The following FER variants were observed in gnomAD, a reference collection of about 807,000 sequenced individuals.
FER encodes the protein tyrosine-protein kinase Fer.
In FER, 63 loss-of-function variants were observed where a neutral mutation model predicts 111.0. That is an observed-to-expected ratio of 0.57 (90% CI 0.46 to 0.70). The LOEUF (loss-of-function observed/expected upper bound fraction) is 0.70. FER is among the 30% of genes least tolerant of loss of function. The pLI is 0.00. For synonymous variants in FER, 327 were observed against 313.9 expected, an observed-to-expected ratio of 1.04 and a Z score of -0.44; for missense variants, 914 against 954.0, an observed-to-expected ratio of 0.96 and a Z score of 0.55.
intron 13 of FER, among the ~76,000 whole-genome samples, chr5:109,012,707 G>C (rs139238575): frequency 7.2e-5 from 11 of 152,304 alleles, no homozygotes; most frequent in Non-Finnish European, 1.5e-4. Context: ...AGTGAATGTA[G>C]AGGTATGGCT....
intron 16 of FER, among the ~76,000 whole-genome samples, chr5:109,074,576 C>T (rs1776112854): frequency 6.6e-6 from 1 of 152,190 alleles, no homozygotes; most frequent in African/African-American, 2.4e-5. Flanking sequence ...TTCCACTCTG[C>T]AGTACTATTA....
chr5:109,129,103 G>A (rs1752067986), intron 17 of FER, among the ~76,000 whole-genome samples: 1 of 151,996 alleles, frequency 6.6e-6, no homozygotes, highest in African/African-American at 2.4e-5. Context: ...TTAAATTATT[G>A]TACATAAATG....
intron 10 of FER, among the ~76,000 whole-genome samples, chr5:108,944,626 T>C (rs964195992): frequency 2.6e-5 from 4 of 152,086 alleles, no homozygotes; most frequent in African/African-American, 9.7e-5. Flanking sequence ...TTAGGTAGAC[T>C]GTAATTTAAA....
chr5:108,894,916 G>A (rs563708746), intron 9 of FER, among the ~76,000 whole-genome samples: 17 of 152,254 alleles, frequency 1.1e-4, no homozygotes, highest in East Asian at 7.7e-4. Context: ...CTCATGATAC[G>A]TGGGAATTAG....
intron 5 of FER, among the ~76,000 whole-genome samples, chr5:108,862,978 A>G (rs1480858981): frequency 1.3e-5 from 2 of 152,254 alleles, no homozygotes; most frequent in East Asian, 1.9e-4. Flanking sequence ...ATTGGTTCCT[A>G]TATTGTCAGG....
At chr5:109,034,024 G>C (rs1316469816) in intron 13 of FER, among the ~76,000 whole-genome samples, 1 of 151,986 alleles carries the variant, frequency 6.6e-6, no homozygotes, top group African/African-American at 2.4e-5. Flanking sequence ...TAGCAATTTT[G>C]AAGTAGAAAT....
At chr5:108,852,675 G>A (rs1347709083) in intron 5 of FER, among the ~76,000 whole-genome samples, 1 of 152,104 alleles carries the variant, frequency 6.6e-6, no homozygotes, top group African/African-American at 2.4e-5. Flanking sequence ...CTGAAAATGA[G>A]AGGTTTCCAC....
In FER at chr5:108,938,024, TCTCACA is replaced by T. The variant is rs1204836882; in HGVS notation, c.1237-8104_1237-8099del. On this transcript the variant is annotated intron_variant, in intron 10 of 19. Coordinates refer to ENST00000281092, the MANE Select transcript of FER (RefSeq NM_005246.4). Reference sequence around the variant, plus strand: ...TCCCTCCTTTTTTTCCCTATCTCTCTCTCACACACACACACACACACACACACACAC... The same window carrying T: ...TCCCTCCTTTTTTTCCCTATCTCTCTCACACACACACACACACACACACAC... Among the ~76,000 whole-genome samples, 610 of 77,994 alleles carry T rather than the reference TCTCACA, an allele frequency of 7.8e-3. 4 individuals carry two copies. The highest frequency in any genetic ancestry group is 0.018 in the African/African-American group (396 of 21,524). 51.2% of individuals were successfully genotyped at this position (77,994 alleles called of 152,430 possible).
intron 11 of FER, among the ~76,000 whole-genome samples, chr5:108,951,541 TATTA>T (rs1370990892): frequency 6.6e-6 from 1 of 152,214 alleles, no homozygotes; most frequent in Admixed American, 6.5e-5. Context: ...TGGAATAACT[TATTA>T]ATTAGACTAT....
At chr5:109,078,769 T>G (rs969769344) in intron 16 of FER, among the ~76,000 whole-genome samples, 1 of 152,198 alleles carries the variant, frequency 6.6e-6, no homozygotes, top group African/African-American at 2.4e-5. Flanking sequence ...TTGAAAAATT[T>G]GCCAACAGAT....
chr5:108,929,269 A>AT (rs996206238), intron 10 of FER, among the ~76,000 whole-genome samples: 4 of 151,948 alleles, frequency 2.6e-5, no homozygotes, highest in Admixed American at 6.6e-5. Flanking sequence ...TTTGCCAATC[A>AT]TTTTTTTTAA....
chr5:109,091,782 T>C (rs1746795385), intron 16 of FER, among the ~76,000 whole-genome samples: 1 of 152,030 alleles, frequency 6.6e-6, no homozygotes, highest in South Asian at 2.1e-4. Context: ...TGAATCAACA[T>C]CCTCCCTGAC....
chr5:108,953,361 A>T (rs1411456234), intron 11 of FER, among the ~76,000 whole-genome samples: 1 of 151,994 alleles, frequency 6.6e-6, no homozygotes, highest in African/African-American at 2.4e-5. Flanking sequence ...CATAGTTTGC[A>T]TGAAAATTAA....
chr5:109,116,090 A>G (rs1750194414), intron 17 of FER, among the ~76,000 whole-genome samples: 1 of 152,088 alleles, frequency 6.6e-6, no homozygotes, highest in African/African-American at 2.4e-5. Flanking sequence ...CAGATTGGAT[A>G]CATGAACTCA....
chr5:108,902,819 G>T (rs1301018314), intron 10 of FER, among the ~76,000 whole-genome samples: 1 of 152,060 alleles, frequency 6.6e-6, no homozygotes, highest in Non-Finnish European at 1.5e-5. Flanking sequence ...GAGCAAATTA[G>T]GAGGGTGAAC....
intron 17 of FER, among the ~76,000 whole-genome samples, chr5:109,114,418 A>G (rs1749989952): frequency 6.6e-6 from 1 of 152,134 alleles, no homozygotes; most frequent in South Asian, 2.1e-4. Flanking sequence ...TTTCATTTTT[A>G]TATGCTAATA....
chr5:109,042,686 C>T (rs1288498939), intron 14 of FER, among the ~76,000 whole-genome samples: 3 of 152,044 alleles, frequency 2.0e-5, no homozygotes, highest in African/African-American at 7.2e-5. Flanking sequence ...ACAGGAAAAT[C>T]AATTTTGGGA....
chr5:108,825,550 A>T (rs1759376809), intron 3 of FER, among the ~76,000 whole-genome samples: 1 of 152,120 alleles, frequency 6.6e-6, no homozygotes, highest in African/African-American at 2.4e-5. Flanking sequence ...TCAAACACAC[A>T]TGCTGTGCAA....
intron 10 of FER, among the ~76,000 whole-genome samples, chr5:108,913,055 CA>C (rs369616758): frequency 1.7e-3 from 256 of 152,138 alleles, no homozygotes; most frequent in African/African-American, 5.8e-3. Context: ...AGCTACTTGC[CA>C]AATACAAATA....
Sources: allele counts gnomAD v4.1 joint callset (sites outside exome capture counted in the v4.1 genomes callset), GRCh38; gene constraint gnomAD v4.1.1; transcripts MANE v1.5; gene names NCBI Gene and HGNC (gene_info 2026-07-23, HGNC 2026-07-21).